Variants in NLRC5 observed in about 807,000 individuals in gnomAD.
The protein encoded by NLRC5 is NLR family CARD domain containing 5.
Under a neutral mutation model 206.9 loss-of-function variants are expected in NLRC5, and 114 were observed. The ratio of observed to expected loss-of-function variants is 0.55; its 90% CI spans 0.47 to 0.64. The LOEUF is 0.64. Among genes scored for constraint, NLRC5 ranks in the 30% least tolerant of loss-of-function variants. The pLI is 0.00. For synonymous variants in NLRC5, 952 were observed against 962.8 expected, an observed-to-expected ratio of 0.99 and a Z score of 0.21; for missense variants, 2,008 against 2,305.5, an observed-to-expected ratio of 0.87 and a Z score of 2.64.
In NLRC5 at chr16:57,028,296, CTG is replaced by C. The variant is rs747705440; in HGVS notation, c.2160-4_2160-3del. 9.9e-6 allele frequency: 16 copies of C among 1,613,238 alleles called. No individual in the cohort carries two copies. The highest frequency in any genetic ancestry group is 1.4e-5 in the Non-Finnish European group (16 of 1,179,160). ...TTCCTCCCCACCATCTTTGCTTACT[CTG>C]TAGGTTAGCAGGAAGTAAAATCACT... On this transcript the variant is annotated splice_region_variant and splice_polypyrimidine_tract_variant and intron_variant, in intron 7 of 48. Transcript: ENST00000688547.
intron 42 of NLRC5, 69 bp from the exon 43 acceptor site, chr16:57,077,874 G>A: frequency 6.2e-7 from 1 of 1,601,192 alleles, no homozygotes; most frequent in Non-Finnish European, 8.5e-7. Context: ...CCCGCAGTGG[G>A]CACAGGGCAG....
At chr16:57,054,908 G>A (rs1001085462) in intron 25 of NLRC5, 68 bp downstream of exon 25, 46 of 1,587,100 alleles carry the variant, frequency 2.9e-5, no homozygotes, top group African/African-American at 1.3e-5. Flanking sequence ...GTGGGTATGA[G>A]GGGGTAGGAT....
At chr16:57,048,882 T>C (rs987326634) in intron 23 of NLRC5, among the ~76,000 whole-genome samples, 1 of 152,188 alleles carries the variant, frequency 6.6e-6, no homozygotes, top group Non-Finnish European at 1.5e-5. Flanking sequence ...CAATGGTCAG[T>C]GGTCCCTGAT....
intron 34 of NLRC5, among the ~76,000 whole-genome samples, 158 bp from the exon 35 acceptor site, chr16:57,067,229 C>T (rs958141589): frequency 4.6e-5 from 7 of 152,340 alleles, no homozygotes; most frequent in Middle Eastern, 3.4e-3. Flanking sequence ...ATCTGGACTC[C>T]TGCTTCCTAG....
rs1429037446 is a variant in NLRC5 at position 57,083,046 on chromosome 16, T to C, written c.*518T>C. On this transcript the variant is annotated 3_prime_UTR_variant, in exon 49 of 49. Transcript: ENST00000688547. ...AAAGCAAATACATATTTATAGATTG[T>C]GTGTATGGAGCAGCTAAGTCAGGAA... The C allele has an allele frequency of 2.0e-5, 3 of 152,504 alleles. No individual in the cohort carries two copies. The highest frequency in any genetic ancestry group is 2.9e-5 in the Non-Finnish European group (2 of 68,232). 9.4% of individuals were successfully genotyped at this position (152,504 alleles called of 1,614,324 possible).
At chr16:57,077,830 C>A (rs760578926) in intron 42 of NLRC5, 28 bp downstream of exon 42, 2 of 1,589,086 alleles carry the variant, frequency 1.3e-6, no homozygotes, top group Admixed American at 1.7e-5. Flanking sequence ...TGGCCTCTGC[C>A]CTCTGTGCCC....
chr16:57,044,783 G>C (rs775648718), intron 20 of NLRC5, among the ~76,000 whole-genome samples: 2 of 151,980 alleles, frequency 1.3e-5, no homozygotes, highest in Non-Finnish European at 1.5e-5. Context: ...TTAGCCAAGC[G>C]TGATGGCATG....
At chr16:57,056,325 CTG>C (rs2065654258) in intron 27 of NLRC5, among the ~76,000 whole-genome samples, 1 of 152,138 alleles carries the variant, frequency 6.6e-6, no homozygotes, top group African/African-American at 2.4e-5. Context: ...GGGTCTCACT[CTG>C]TTGCCCAGGC....
At chr16:57,032,548 G>A (rs1027959498) in intron 11 of NLRC5, among the ~76,000 whole-genome samples, 1 of 151,804 alleles carries the variant, frequency 6.6e-6, no homozygotes, top group East Asian at 1.9e-4. Flanking sequence ...AAATTTTAAT[G>A]CTATTTTAAT....
intron 32 of NLRC5, among the ~76,000 whole-genome samples, chr16:57,063,304 C>G (rs1332020429): frequency 1.3e-5 from 2 of 151,294 alleles, no homozygotes; most frequent in African/African-American, 4.9e-5. Context: ...TTTGTAGAGA[C>G]AGGGTTTCAC....
chr16:57,055,159 G>T, intron 26 of NLRC5, 65 bp downstream of exon 26: 1 of 1,558,826 alleles, frequency 6.4e-7, no homozygotes, highest in Non-Finnish European at 8.8e-7. Flanking sequence ...TCTGCCTCCT[G>T]GGTGGCCAGA....
At chr16:57,056,490 A>G (rs2065677703) in intron 27 of NLRC5, among the ~76,000 whole-genome samples, 1 of 152,054 alleles carries the variant, frequency 6.6e-6, no homozygotes, top group South Asian at 2.1e-4. Context: ...AAGTCTCACC[A>G]TGTTCCCCAG....
Position 57,033,673 on chromosome 16 carries a change from C to G in NLRC5, c.2543+4C>G. 2 of 1,613,420 alleles carry G rather than the reference C, an allele frequency of 1.2e-6. No homozygotes were observed. Among genetic ancestry groups the G allele is most frequent in the Non-Finnish European group, 1.7e-6 (2 of 1,179,504 alleles). On this transcript the variant is annotated splice_donor_region_variant and intron_variant, in intron 12 of 48. Transcript: ENST00000688547. ...AGAGCAGAAGCTTGACGCTCAGGTA[C>G]CTTGGAGGGATCTATTGCCTTAGGA...
At chr16:57,016,498 G>A (rs149908008) in intron 1 of NLRC5, among the ~76,000 whole-genome samples, 35 of 152,058 alleles carry the variant, frequency 2.3e-4, no homozygotes, top group Non-Finnish European at 4.0e-4. Context: ...TTCTTTGTTC[G>A]TAGGAAGATC....
intron 23 of NLRC5, among the ~76,000 whole-genome samples, chr16:57,048,591 T>A (rs1433469590): frequency 3.3e-5 from 5 of 152,156 alleles, no homozygotes; most frequent in African/African-American, 1.2e-4. Context: ...TGGAGTGCAA[T>A]GGCGTGATCT....
chr16:56,995,343 G>A (rs570375221), intron 1 of NLRC5, among the ~76,000 whole-genome samples: 1 of 152,226 alleles, frequency 6.6e-6, no homozygotes, highest in Non-Finnish European at 1.5e-5. Flanking sequence ...CTCAAGAAAG[G>A]AAGGGCTGCT....
Position 57,044,645 on chromosome 16 carries a change from G to A in NLRC5, c.3204-803G>A, listed in dbSNP as rs921579047. Among the ~76,000 whole-genome samples the A allele has an allele frequency of 2.0e-5, 3 of 152,172 alleles. No homozygotes were observed. In the East Asian group the frequency reaches 5.8e-4, roughly 29 times the overall value. On this transcript the variant is annotated intron_variant, in intron 20 of 48. Coordinates refer to ENST00000688547, the MANE Select transcript of NLRC5 (RefSeq NM_001384950.1). The stretch of plus-strand genomic sequence containing the variant: ...GAATAATTACTGGCCTGGCACAGTG[G>A]CTCAAGCCTGTAATCCCAGCACTTT...
intron 36 of NLRC5, among the ~76,000 whole-genome samples, chr16:57,068,241 A>G (rs192452590): frequency 6.6e-6 from 1 of 151,892 alleles, no homozygotes; most frequent in East Asian, 1.9e-4. Context: ...ACCACCCTGG[A>G]CAACACGGTG....
chr16:57,031,281 T>C (rs2061853624), intron 10 of NLRC5, 123 bp from the exon 11 acceptor site: 3 of 997,542 alleles, frequency 3.0e-6, no homozygotes, highest in Non-Finnish European at 4.7e-6. Context: ...TGTTTCCCTG[T>C]CAATTGCAAA....
Sources: allele counts gnomAD v4.1 joint callset (sites outside exome capture counted in the v4.1 genomes callset), GRCh38; gene constraint gnomAD v4.1.1; transcripts MANE v1.5; gene names NCBI Gene and HGNC (gene_info 2026-07-23, HGNC 2026-07-21).